The following ZNF682 variants were observed in gnomAD, a reference collection of about 807,000 sequenced individuals.
ZNF682 encodes zinc finger protein 682.
Under a neutral mutation model 36.5 loss-of-function variants are expected in ZNF682, and 29 were observed. The ratio of observed to expected loss-of-function variants is 0.80; its 90% CI spans 0.59 to 1.08. The LOEUF (loss-of-function observed/expected upper bound fraction) is 1.08. ZNF682 is among the 50% of genes least tolerant of loss of function. ZNF682 has a pLI of 0.00. For missense variants in ZNF682, 561 were observed against 579.7 expected, an observed-to-expected ratio of 0.97 and a Z score of 0.33; for synonymous variants, 180 against 197.0, an observed-to-expected ratio of 0.91 and a Z score of 0.72.
chr19:20,010,855 C>T (rs74181170), intron 3 of ZNF682, among the ~76,000 whole-genome samples: 9,776 of 151,768 alleles, frequency 0.064, 440 homozygotes, highest in Middle Eastern at 0.12. Context: ...GTCCCAGCTA[C>T]TAGGGAGGCT....
chr19:20,027,030 C>T (rs1298489744), intron 1 of ZNF682, among the ~76,000 whole-genome samples: 1 of 152,174 alleles, frequency 6.6e-6, no homozygotes, highest in Non-Finnish European at 1.5e-5. Context: ...CCAAGACATT[C>T]AAGAACGAAA....
chr19:20,003,190 C>CAAAAAAAAAAAAAA (rs755953644), downstream of ZNF682, among the ~76,000 whole-genome samples: 2 of 33,074 alleles, frequency 6.0e-5, no homozygotes, highest in African/African-American at 1.7e-4. Flanking sequence ...GACTCCGTCT[C>CAAAAAAAAAAAAAA]AAAAAAAAAA....
chr19:20,012,542 T>C (rs936889982), intron 3 of ZNF682, among the ~76,000 whole-genome samples: 10 of 151,530 alleles, frequency 6.6e-5, no homozygotes, highest in Admixed American at 4.6e-4. Flanking sequence ...CCGAGGCGGG[T>C]GGATCACGAG....
chr19:20,028,746 C>T (rs905336398), intron 1 of ZNF682, among the ~76,000 whole-genome samples: 3 of 152,218 alleles, frequency 2.0e-5, no homozygotes, highest in Non-Finnish European at 4.4e-5. Flanking sequence ...CCAGAGGCAG[C>T]TCATGTCTGA....
chr19:20,009,563 A>T (rs2088263603), intron 3 of ZNF682, among the ~76,000 whole-genome samples: 1 of 152,210 alleles, frequency 6.6e-6, no homozygotes, highest in Non-Finnish European at 1.5e-5. Context: ...AACCATCCTC[A>T]AGGCACATAG....
intron 1 of ZNF682, among the ~76,000 whole-genome samples, chr19:20,038,194 A>G (rs2088550761): frequency 6.6e-6 from 1 of 152,116 alleles, no homozygotes. Context: ...AGATTGGCAC[A>G]AAGGTTTTTG....
chr19:20,012,081 T>G (rs1260860703), intron 3 of ZNF682, among the ~76,000 whole-genome samples: 4 of 151,368 alleles, frequency 2.6e-5, no homozygotes, highest in Non-Finnish European at 2.9e-5. Flanking sequence ...AACCTTGGAA[T>G]GTGGCAAAAG....
chr19:20,007,581 G>A (rs1010825880), intron 3 of ZNF682: 1 of 278,222 alleles, frequency 3.6e-6, no homozygotes, highest in Non-Finnish European at 6.7e-6. Flanking sequence ...CTTATGGAAG[G>A]GATATGTGAA....
chr19:20,023,486 G>A (rs1272308508), intron 2 of ZNF682, among the ~76,000 whole-genome samples: 2 of 151,640 alleles, frequency 1.3e-5, no homozygotes, highest in Non-Finnish European at 2.9e-5. Context: ...AACAGAGCGA[G>A]ACTCCATCTC....
At chr19:19,996,240 T>A (rs527576072), downstream of ZNF682, among the ~76,000 whole-genome samples, 10 of 152,238 alleles carry the variant, frequency 6.6e-5, no homozygotes, top group Non-Finnish European at 1.3e-4. Context: ...GAGCATATGC[T>A]TCTGCAGTTA....
At chr19:20,009,385 G>A (rs2088261754) in intron 3 of ZNF682, among the ~76,000 whole-genome samples, 1 of 151,978 alleles carries the variant, frequency 6.6e-6, no homozygotes, top group East Asian at 1.9e-4. Context: ...TATGTAAAGG[G>A]GTCAAACTTA....
intron 1 of ZNF682, among the ~76,000 whole-genome samples, chr19:20,033,245 C>T (rs533257411): frequency 1.3e-5 from 2 of 152,088 alleles, no homozygotes; most frequent in Non-Finnish European, 2.9e-5. Flanking sequence ...TGCACTCCAG[C>T]CTGGGTGACA....
chr19:20,031,684 T>G (rs987635841), intron 1 of ZNF682, among the ~76,000 whole-genome samples: 3 of 152,184 alleles, frequency 2.0e-5, no homozygotes, highest in Non-Finnish European at 4.4e-5. Flanking sequence ...GGCTCACCCC[T>G]GTAATCCCAG....
intron 1 of ZNF682, among the ~76,000 whole-genome samples, chr19:20,026,406 T>C (rs2088431986): frequency 6.6e-6 from 1 of 151,660 alleles, no homozygotes; most frequent in South Asian, 2.1e-4. Context: ...CCCTATACCA[T>C]CCCTAATAGA....
intron 1 of ZNF682, among the ~76,000 whole-genome samples, chr19:20,029,105 A>T (rs780016920): frequency 6.6e-6 from 1 of 150,638 alleles, no homozygotes; most frequent in Non-Finnish European, 1.5e-5. Context: ...CAGCCTCCTG[A>T]GTCACTGGGA....
chr19:19,999,254 G>A (rs1304229288), intron 3 of ZNF682, among the ~76,000 whole-genome samples: 2 of 152,184 alleles, frequency 1.3e-5, no homozygotes, highest in East Asian at 1.9e-4. Flanking sequence ...CCTGAACTGC[G>A]ACAAAAATGA....
downstream of ZNF682, among the ~76,000 whole-genome samples, chr19:20,002,545 A>C (rs1269466267): frequency 2.0e-5 from 3 of 152,198 alleles, no homozygotes; most frequent in African/African-American, 7.2e-5. Context: ...TTCAATGAAG[A>C]AAGCAGATAA....
At chr19:20,012,263 C>G (rs888818645) in intron 3 of ZNF682, among the ~76,000 whole-genome samples, 1 of 151,266 alleles carries the variant, frequency 6.6e-6, no homozygotes, top group African/African-American at 2.4e-5. Context: ...ATATTGAAAC[C>G]AAGAAAACCA....
At chr19:20,016,351 A>G (rs1599608289) in intron 3 of ZNF682, among the ~76,000 whole-genome samples, 1 of 152,212 alleles carries the variant, frequency 6.6e-6, no homozygotes, top group African/African-American at 2.4e-5. Flanking sequence ...TCAATTTTTG[A>G]GAAATGAAGA....
Sources: allele counts gnomAD v4.1 joint callset (sites outside exome capture counted in the v4.1 genomes callset), GRCh38; gene constraint gnomAD v4.1.1; transcripts MANE v1.5; gene names NCBI Gene and HGNC (gene_info 2026-07-23, HGNC 2026-07-21).